The following HDX variants were observed in gnomAD, a reference collection of about 807,000 sequenced individuals.
HDX encodes the protein chromosome X open reading frame 43.
A neutral mutation model predicts 45.2 loss-of-function variants in HDX; 19 were observed. The observed-to-expected ratio is 0.42, with a 90% CI of 0.29 to 0.62. The LOEUF (loss-of-function observed/expected upper bound fraction) is 0.62, where lower values mean the gene tolerates loss of function less well. Ranked by LOEUF, HDX falls within the 20% of genes least tolerant of loss-of-function variation. The pLI, the probability that HDX is intolerant of heterozygous loss-of-function variation, is 0.20. For synonymous variants in HDX, 188 were observed against 172.8 expected (o/e 1.09, Z -0.69); for missense variants, 532 against 493.9 (o/e 1.08, Z -0.73).
chrX:84,336,906 A>G, intron 7 of HDX, 26 bp from the exon 8 acceptor site: 1 of 1,036,361 alleles, frequency 9.6e-7, no homozygotes, highest in Non-Finnish European at 1.3e-6. Context: ...CCATAATTTC[A>G]TTTTCATTTC....
intron 3 of HDX, among the ~76,000 whole-genome samples, chrX:84,472,941 T>C (rs1201005371): frequency 1.8e-5 from 2 of 109,161 alleles, no homozygotes; most frequent in African/African-American, 6.6e-5. Flanking sequence ...ATGATTCTCA[T>C]TTACGTTACA....
At chrX:84,365,491 G>T (rs986005415) in intron 5 of HDX, among the ~76,000 whole-genome samples, 11 of 111,578 alleles carry the variant, frequency 9.9e-5, no homozygotes, top group African/African-American at 3.3e-4. Context: ...GTCTGTGGGA[G>T]GCAAGCTTTG....
intron 2 of HDX, among the ~76,000 whole-genome samples, chrX:84,487,425 T>A (rs1169457632): frequency 8.9e-6 from 1 of 111,963 alleles, no homozygotes; most frequent in Non-Finnish European, 1.9e-5. Flanking sequence ...CAGAACACAG[T>A]TAGCAGGCAA....
At position 84,321,883 on chromosome X, in the gene HDX, C is replaced by T; in HGVS notation, c.*6G>A. ...AGACTGTATCATATATTCCCTCCAA[C>T]TGAAATCACAAACTTTCTGAGACAT... On this transcript the variant is annotated 3_prime_UTR_variant, in exon 11 of 11. Coordinates refer to ENST00000373177, the MANE Select transcript of HDX (RefSeq NM_001177479.2). 3 of 1,189,462 alleles carry T rather than the reference C, an allele frequency of 2.5e-6. No homozygotes were observed. Among genetic ancestry groups the T allele is most frequent in the Non-Finnish European group, 3.4e-6 (3 of 882,787 alleles).
intron 5 of HDX, among the ~76,000 whole-genome samples, chrX:84,382,861 T>C (rs1371553899): frequency 1.8e-5 from 2 of 111,408 alleles, no homozygotes; most frequent in Non-Finnish European, 3.8e-5. Context: ...AATTGGACTG[T>C]TTGTAATAGA....
At chrX:84,322,880 A>G (rs1331229859) in intron 10 of HDX, among the ~76,000 whole-genome samples, 2 of 110,954 alleles carry the variant, frequency 1.8e-5, no homozygotes, top group African/African-American at 6.5e-5. Flanking sequence ...ATATCTGGCA[A>G]TTTTTAGACA....
At chrX:84,397,286 G>A (rs1166392666) in intron 5 of HDX, among the ~76,000 whole-genome samples, 1 of 111,658 alleles carries the variant, frequency 9.0e-6, no homozygotes, top group Non-Finnish European at 1.9e-5. Flanking sequence ...GGAGATGAAG[G>A]TACTGTTGAG....
intron 4 of HDX, among the ~76,000 whole-genome samples, chrX:84,462,015 A>G (rs1056686387): frequency 5.3e-5 from 6 of 112,238 alleles, no homozygotes; most frequent in African/African-American, 1.6e-4. Flanking sequence ...AAGACAGGCA[A>G]TAACAAATGC....
rs189615979 is a variant in HDX at position 84,369,510 on chromosome X, A to G, written c.1306-7898T>C. Among the ~76,000 whole-genome samples the G allele has an allele frequency of 2.5e-3, 284 of 112,268 alleles. 2 individuals carry two copies. The highest frequency in any genetic ancestry group is 9.3e-3 in the Middle Eastern group (2 of 215). ...ACCTCCATACTGTTTTCCCCAGCAG[A>G]TATACCATCTCACATTCCCACTAAC... On this transcript the variant is annotated intron_variant, in intron 5 of 10. Transcript: ENST00000373177.
intron 5 of HDX, among the ~76,000 whole-genome samples, chrX:84,417,048 G>T (rs1053272788): frequency 2.7e-5 from 3 of 109,544 alleles, no homozygotes; most frequent in African/African-American, 1.0e-4. Context: ...CAGCTACTAA[G>T]GAGCTTGAGG....
At chrX:84,394,682 C>T (rs1376100828) in intron 5 of HDX, among the ~76,000 whole-genome samples, 5 of 111,095 alleles carry the variant, frequency 4.5e-5, no homozygotes, top group Non-Finnish European at 5.7e-5. Context: ...TGCTCCAGTG[C>T]TTGATGCACA....
chrX:84,358,012 G>A (rs755387664), intron 6 of HDX, among the ~76,000 whole-genome samples: 17 of 111,751 alleles, frequency 1.5e-4, no homozygotes, highest in African/African-American at 3.3e-4. Context: ...CAGGGACAGC[G>A]GAATGGAAAC....
intron 4 of HDX, among the ~76,000 whole-genome samples, chrX:84,450,811 A>C (rs2039981104): frequency 8.9e-6 from 1 of 112,215 alleles, no homozygotes; most frequent in African/African-American, 3.2e-5. Flanking sequence ...ACAAATCTCA[A>C]CAACCACTTT....
intron 9 of HDX, among the ~76,000 whole-genome samples, chrX:84,326,731 G>A (rs866552658): frequency 1.8e-5 from 2 of 110,195 alleles, no homozygotes; most frequent in Admixed American, 9.7e-5. Context: ...GGCCAACATG[G>A]TGAAACCCCG....
At chrX:84,419,178 G>T (rs956617892) in intron 5 of HDX, among the ~76,000 whole-genome samples, 1 of 111,118 alleles carries the variant, frequency 9.0e-6, no homozygotes, top group Non-Finnish European at 1.9e-5. Flanking sequence ...TCAGAGACTT[G>T]CTGGCTTCAG....
chrX:84,456,414 A>G (rs1195605320), intron 4 of HDX, among the ~76,000 whole-genome samples: 1 of 111,521 alleles, frequency 9.0e-6, no homozygotes. Flanking sequence ...AAATGAAAAC[A>G]TAGCACCAGA....
chrX:84,357,578 A>G (rs931747414), intron 6 of HDX, among the ~76,000 whole-genome samples: 3 of 112,028 alleles, frequency 2.7e-5, no homozygotes, highest in Admixed American at 9.5e-5. Flanking sequence ...TTATGCATGT[A>G]AGTGAACAGA....
At chrX:84,454,284 T>C (rs1184895030) in intron 4 of HDX, among the ~76,000 whole-genome samples, 1 of 111,502 alleles carries the variant, frequency 9.0e-6, no homozygotes, top group Non-Finnish European at 1.9e-5. Flanking sequence ...GGGTCCCCGA[T>C]TCCAGGGCTT....
chrX:84,498,941 C>G (rs2041065527), intron 1 of HDX, among the ~76,000 whole-genome samples: 1 of 110,445 alleles, frequency 9.1e-6, no homozygotes. Flanking sequence ...TCAAGCATAA[C>G]TTGGTGATTA....
Sources: gnomAD v4.1 joint callset for allele counts (sites outside exome capture counted in the v4.1 genomes callset) on GRCh38, gnomAD v4.1.1 for gene constraint, MANE v1.5 for transcripts, NCBI Gene and HGNC (gene_info 2026-07-23, HGNC 2026-07-21) for gene names.